The following FSIP2 variants were observed in gnomAD, a reference collection of about 807,000 sequenced individuals.
FSIP2 encodes the protein fibrous sheath-interacting protein 2.
A neutral mutation model predicts 510.5 loss-of-function variants in FSIP2; 367 were observed. The observed-to-expected ratio is 0.72, with a 90% confidence interval of 0.66 to 0.78. The LOEUF is 0.78. Ranked by LOEUF, FSIP2 falls within the 30% of genes least tolerant of loss-of-function variation. FSIP2 has a pLI of 0.00. For missense variants in FSIP2, 7,594 were observed against 7,901.7 expected (o/e 0.96, Z 1.48); for synonymous variants, 2,601 against 2,732.2 (o/e 0.95, Z 1.50).
Position 185,761,034 on chromosome 2 carries a change from T to C in FSIP2, c.1125T>C (p.Asn375=), listed in dbSNP as rs553868729. ...ATCAGCGTCAAAATAGTTCAAATAA[T>C]TTTACGAAAAAAAACTCAGCTTCTG... ...AAHQRQNSSN[N]FTKKNSASVV... Residue 375 remains asparagine (N), a synonymous_variant, in exon 10 of 23, where the codon AAT becomes AAC. Coordinates refer to ENST00000424728, the MANE Select transcript of FSIP2 (RefSeq NM_173651.4). The C allele has an allele frequency of 4.6e-6, 7 of 1,510,020 alleles. No individual in the cohort carries two copies. The highest frequency in any genetic ancestry group is 1.4e-5 in the African/African-American group (1 of 71,798). 93.5% of individuals were successfully genotyped at this position (1,510,020 alleles called of 1,614,324 possible).
At position 185,795,554 on chromosome 2, in the gene FSIP2, A is replaced by T. The variant is rs1251384768; in HGVS notation, c.8418A>T (p.Ile2806=). ...SSHLRLSQGN[I]GTGSLPKQQA... ...ATCTCAGACTTTCACAGGGGAATAT[A>T]GGCACAGGATCCCTTCCTAAACAAC... The change falls in exon 16 of 23, where the codon ATA becomes ATT. Residue 2806 remains isoleucine, a synonymous_variant. Coordinates refer to ENST00000424728, the MANE Select transcript of FSIP2 (RefSeq NM_173651.4). 6.5e-7 allele frequency: 1 copy of T among 1,534,994 alleles called. No individual in the cohort carries two copies. The highest frequency in any genetic ancestry group is 1.2e-5 in the South Asian group (1 of 84,012).
chr2:185,767,398 C>A (rs1692510964), intron 13 of FSIP2, among the ~76,000 whole-genome samples: 1 of 152,078 alleles, frequency 6.6e-6, no homozygotes, highest in Non-Finnish European at 1.5e-5. Flanking sequence ...TTGTTAACTA[C>A]AGTCACACTG....
Position 185,747,315 on chromosome 2 carries a change from A to G in FSIP2, c.762A>G (p.Glu254=). The G allele has an allele frequency of 2.7e-6, 4 of 1,502,662 alleles. No individual in the cohort carries two copies. Among genetic ancestry groups the G allele is most frequent in the Non-Finnish European group, 3.6e-6 (4 of 1,116,638 alleles). 93.1% of individuals were successfully genotyped at this position (1,502,662 alleles called of 1,614,324 possible). ...TGCAGTAACATTGTGATTTCTAGGAATGGAAGACAAAAGAGATGTTACTTC... is the reference window on the plus strand; with the variant it reads ...TGCAGTAACATTGTGATTTCTAGGAGTGGAAGACAAAAGAGATGTTACTTC... ...KLTLRRKIEE[E]WKTKEMLLLT... The change falls in exon 7 of 23, where the codon GAA becomes GAG. Residue 254 remains glutamate (E), a splice_region_variant and synonymous_variant. Coordinates refer to ENST00000424728, the MANE Select transcript of FSIP2 (RefSeq NM_173651.4).
At chr2:185,797,836 G>T in intron 16 of FSIP2, 2 of 245,570 alleles carry the variant, frequency 8.1e-6, no homozygotes, top group Non-Finnish European at 1.6e-5. Flanking sequence ...GGGACCACAG[G>T]CATGCCACTG....
chr2:185,747,408 A>G lies in FSIP2; in HGVS notation c.855A>G (p.Glu285=), dbSNP rs531131559. 2.8e-5 allele frequency: 43 copies of G among 1,511,660 alleles called. No homozygotes were observed. The East Asian group carries it at 1.0e-3, about 36-fold the overall frequency. The allele number at this position is 1,511,660 out of a possible 1,614,324, so 93.6% of individuals were successfully genotyped here. ...RIEEQQHRNR[E]ESDRKKQDLL... is the part of the protein sequence containing the mutation. Reference sequence around the variant, plus strand: ...AAGAACAACAGCATAGAAACAGAGAAGAGAGTGACAGGAAGGTAGGGTGAG... The same window carrying G: ...AAGAACAACAGCATAGAAACAGAGAGGAGAGTGACAGGAAGGTAGGGTGAG... The change falls in exon 7 of 23, where the codon GAA becomes GAG. Residue 285 remains glutamate, a synonymous_variant. Coordinates refer to ENST00000424728, the MANE Select transcript of FSIP2 (RefSeq NM_173651.4).
At chr2:185,823,521 C>T (rs1693963318) in intron 19 of FSIP2, among the ~76,000 whole-genome samples, 2 of 149,976 alleles carry the variant, frequency 1.3e-5, no homozygotes, top group Admixed American at 6.7e-5. Flanking sequence ...ACTTTCAACA[C>T]ATTAAGATAA....
chr2:185,824,385 T>G, intron 19 of FSIP2, 49 bp from the exon 20 acceptor site: 1 of 1,290,504 alleles, frequency 7.7e-7, no homozygotes, highest in Non-Finnish European at 1.1e-6. Context: ...CAGTAACTTC[T>G]TCATTTATCA....
rs1373990188 is a variant in FSIP2, at chr2:185,789,028, C to A, written c.1892C>A (p.Thr631Asn). 6.5e-6 allele frequency: 10 copies of A among 1,533,818 alleles called. No homozygotes were observed. Among genetic ancestry groups the A allele is most frequent in the Non-Finnish European group, 8.7e-6 (10 of 1,145,358 alleles). The change falls in exon 16 of 23, where the codon ACC becomes AAC. Residue 631 changes from threonine to asparagine, a missense_variant. Physicochemically the swap from Thr to Asn is moderately conservative, Grantham distance 65 (BLOSUM62 0). Coordinates refer to ENST00000424728, the MANE Select transcript of FSIP2 (RefSeq NM_173651.4). Reference sequence around the variant, plus strand: ...ATCTCTAAACATAAATATAATAAAACCAACTTGCTATATTCATACCCTAAG... The same window carrying A: ...ATCTCTAAACATAAATATAATAAAAACAACTTGCTATATTCATACCCTAAG... ...SIISKHKYNK[T>N]NLLYSYPKLR...
rs35066355 is a variant in FSIP2 at position 185,821,925 on chromosome 2, CAAA to C, written c.20427-2493_20427-2491del. Among the ~76,000 whole-genome samples, 170 of 127,430 alleles carry C rather than the reference CAAA, an allele frequency of 1.3e-3. 2 individuals carry two copies. Among genetic ancestry groups the C allele is most frequent in the East Asian group, 1.6e-3 (7 of 4,344 alleles). 83.6% of individuals were successfully genotyped at this position (127,430 alleles called of 152,430 possible). A position where few individuals can be genotyped will look rare whatever the true frequency, so the allele number is the denominator to read the frequency against. ...TGGGTGACAGAATGAGACCCTATCT[CAAA>C]AAAAAAAAAAAAAAATCGATGTAAT... is the stretch of plus-strand genomic sequence containing the variant. On this transcript the variant is annotated intron_variant, in intron 19 of 22. Coordinates refer to ENST00000424728, the MANE Select transcript of FSIP2 (RefSeq NM_173651.4).
chr2:185,793,277 C>T lies in FSIP2; in HGVS notation c.6141C>T (p.Asp2047=). The T allele has an allele frequency of 6.5e-7, 1 of 1,534,066 alleles. No individual in the cohort carries two copies. Among genetic ancestry groups the T allele is most frequent in the Non-Finnish European group, 8.7e-7 (1 of 1,145,454 alleles). The change falls in exon 16 of 23, where the codon GAC becomes GAT. Residue 2047 remains aspartate (D), a synonymous_variant. Coordinates refer to ENST00000424728, the MANE Select transcript of FSIP2 (RefSeq NM_173651.4). ...IASQIVNALL[D]IISRKGKCDK... ...GTCAAATTGTTAACGCATTGTTAGA[C>T]ATTATATCACGTAAAGGCAAATGTG...
At chr2:185,753,699 A>T (rs773297287) in intron 7 of FSIP2, 23 bp from the exon 8 acceptor site, 2 of 980,458 alleles carry the variant, frequency 2.0e-6, no homozygotes, top group South Asian at 3.4e-5. Context: ...ATATTAACCA[A>T]TATATTTTCT....
rs866215556 is a variant in FSIP2, at chr2:185,767,110, T to C, written c.1411+2545T>C. Among the ~76,000 whole-genome samples, 824 of 143,216 alleles carry C rather than the reference T, an allele frequency of 5.8e-3. 8 individuals are homozygous for C. Among genetic ancestry groups the C allele is most frequent in the African/African-American group, 0.02 (745 of 38,022 alleles). 94.0% of individuals were successfully genotyped at this position (143,216 alleles called of 152,430 possible). On this transcript the variant is annotated intron_variant, in intron 13 of 22. Coordinates refer to ENST00000424728, the MANE Select transcript of FSIP2 (RefSeq NM_173651.4). ...GCATATTCTCACTCATAGGTGGGAA[T>C]TGAACAATGAGATCACATGGACACA...
intron 11 of FSIP2, among the ~76,000 whole-genome samples, chr2:185,762,566 T>C (rs1368964060): frequency 2.6e-5 from 4 of 151,414 alleles, no homozygotes; most frequent in Non-Finnish European, 4.4e-5. Flanking sequence ...ATCATCTTCC[T>C]GACCCTTTTA....
chr2:185,785,083 A>C (rs1208793259), intron 14 of FSIP2, among the ~76,000 whole-genome samples: 2 of 152,078 alleles, frequency 1.3e-5, no homozygotes, highest in African/African-American at 4.8e-5. Context: ...GAACTCCTTG[A>C]GTTAGTTATG....
At chr2:185,759,907 G>C (rs1399189914) in intron 9 of FSIP2, among the ~76,000 whole-genome samples, 2 of 150,276 alleles carry the variant, frequency 1.3e-5, no homozygotes, top group African/African-American at 4.8e-5. Flanking sequence ...CTTGAGTCTA[G>C]AGCTTTTTTG....
In FSIP2 at chr2:185,803,670, G is replaced by T; in HGVS notation, c.14364G>T (p.Met4788Ile). The change falls in exon 17 of 23, where the codon ATG becomes ATT. Residue 4788 changes from methionine to isoleucine, a missense_variant. Transcript: ENST00000424728. ...QRQASTMYTT[M>I]LSHSHLEKIV... ...AAGCTTCAACAATGTATACCACTAT[G>T]TTATCACATAGTCATTTGGAAAAAA... 1 of 1,531,354 alleles carries T rather than the reference G, an allele frequency of 6.5e-7. No homozygotes were observed. The highest frequency in any genetic ancestry group is 8.7e-7 in the Non-Finnish European group (1 of 1,144,014). The allele number at this position is 1,531,354 out of a possible 1,614,324, so 94.9% of individuals were successfully genotyped here. A position where few individuals can be genotyped will look rare whatever the true frequency, so the allele number is the denominator to read the frequency against.
At position 185,808,542 on chromosome 2, in the gene FSIP2, A is replaced by G; in HGVS notation, c.19236A>G (p.Pro6412=). Residue 6412 remains proline (P), a synonymous_variant, in exon 17 of 23, where the codon CCA becomes CCG. Coordinates refer to ENST00000424728, the MANE Select transcript of FSIP2 (RefSeq NM_173651.4). ...ATCCTGAAGAGCACTGTTTAAATCC[A>G]GAAAATACAGAAAGGATTTATCAGG... is the stretch of plus-strand genomic sequence containing the variant. ...ASDPEEHCLN[P]ENTERIYQVV... The G allele has an allele frequency of 6.2e-7, 1 of 1,612,610 alleles. No homozygotes were observed.
chr2:185,791,488 A>G lies in FSIP2; in HGVS notation c.4352A>G (p.His1451Arg). The change falls in exon 16 of 23, where the codon CAT (histidine) becomes CGT (arginine). Residue 1451 changes from histidine (H) to arginine (R), a missense_variant. His to Arg is a conservative substitution (Grantham distance 29). Transcript: ENST00000424728. ...ATGTTAAGCAAGCTCCTGGGGACCC[A>G]TCTTCATTCTCAGCTATCTTGTAGT... ...HEMLSKLLGTHLHSQLSCSQQ... is the reference protein window; with the variant it reads ...HEMLSKLLGTRLHSQLSCSQQ... 6.5e-7 allele frequency: 1 copy of G among 1,534,400 alleles called. No homozygotes were observed. Among genetic ancestry groups the G allele is most frequent in the South Asian group, 1.2e-5 (1 of 84,018 alleles).
intron 2 of FSIP2, among the ~76,000 whole-genome samples, chr2:185,742,084 A>G (rs1691935764): frequency 6.6e-6 from 1 of 152,160 alleles, no homozygotes; most frequent in Non-Finnish European, 1.5e-5. Context: ...ACATACTCCA[A>G]TTATCTGTCT....
Sources: gnomAD v4.1 joint callset for allele counts (sites outside exome capture counted in the v4.1 genomes callset) on GRCh38, gnomAD v4.1.1 for gene constraint, MANE v1.5 for transcripts, NCBI Gene and HGNC (gene_info 2026-07-23, HGNC 2026-07-21) for gene names.